The following MTUS2 variants were observed in gnomAD, a reference collection of about 807,000 sequenced individuals.
MTUS2 encodes microtubule-associated tumor suppressor candidate 2.
A neutral mutation model predicts 114.1 loss-of-function variants in MTUS2; 40 were observed. The ratio of observed to expected loss-of-function variants is 0.35; its 90% CI spans 0.27 to 0.46. MTUS2 has a LOEUF of 0.46. MTUS2 is among the 20% of genes least tolerant of loss of function. The probability of loss-of-function intolerance (pLI) is 1.00; values close to 1 mark genes in which losing one functional copy is unlikely to be tolerated. For synonymous variants in MTUS2, 688 were observed against 672.0 expected (o/e 1.02, Z -0.37); for missense variants, 1,679 against 1,705.4 (o/e 0.98, Z 0.27).
At chr13:29,124,618 G>T (rs987113141) in intron 5 of MTUS2, among the ~76,000 whole-genome samples, 3 of 152,278 alleles carry the variant, frequency 2.0e-5, no homozygotes, top group African/African-American at 7.2e-5. Context: ...CTTGTGAAGA[G>T]ATATTTATGT....
Position 29,097,159 on chromosome 13 carries a change from G to C in MTUS2, c.2447-3614G>C, listed in dbSNP as rs574212145. Among the ~76,000 whole-genome samples the C allele has an allele frequency of 3.2e-4, 49 of 152,118 alleles. No homozygotes were observed. In the East Asian group the frequency reaches 9.1e-3, roughly 28 times the overall value. On this transcript the variant is annotated intron_variant, in intron 4 of 15. Coordinates refer to ENST00000612955, the MANE Select transcript of MTUS2 (RefSeq NM_001033602.4). ...ATCCAGAGTAGAGCTTTCATATATTGTGATGATAGTAGGGGAGGAAGAGAG... is the reference window on the plus strand; with the variant it reads ...ATCCAGAGTAGAGCTTTCATATATTCTGATGATAGTAGGGGAGGAAGAGAG...
At chr13:29,488,054 G>C (rs764181355) in intron 11 of MTUS2, 49 bp downstream of exon 11, 1 of 1,423,252 alleles carries the variant, frequency 7.0e-7, no homozygotes, top group Non-Finnish European at 9.9e-7. Flanking sequence ...GGTGCAATCC[G>C]AGCCTTTCCT....
intron 5 of MTUS2, among the ~76,000 whole-genome samples, chr13:29,181,884 T>C (rs1013530333): frequency 8.6e-5 from 13 of 151,576 alleles, no homozygotes; most frequent in Non-Finnish European, 1.5e-4. Flanking sequence ...TAATAGAAAA[T>C]AACTAACAGA....
At chr13:29,477,580 T>G (rs1052022217) in intron 9 of MTUS2, among the ~76,000 whole-genome samples, 1 of 151,802 alleles carries the variant, frequency 6.6e-6, no homozygotes, top group South Asian at 2.1e-4. Flanking sequence ...GGGAGGACCC[T>G]GGGGGTCCCC....
At chr13:29,300,509 G>T (rs1463564519) in intron 6 of MTUS2, among the ~76,000 whole-genome samples, 1 of 152,110 alleles carries the variant, frequency 6.6e-6, no homozygotes, top group East Asian at 1.9e-4. Context: ...TACTATAAAT[G>T]CATTCTTATG....
intron 8 of MTUS2, among the ~76,000 whole-genome samples, chr13:29,365,678 T>TTA (rs1870650874): frequency 6.6e-6 from 1 of 152,078 alleles, no homozygotes; most frequent in South Asian, 2.1e-4. Context: ...GTGCGTGCCT[T>TTA]TAAGATATTC....
At position 29,025,520 on chromosome 13, in the gene MTUS2, A is replaced by G; in HGVS notation, c.822A>G (p.Thr274=). 3 of 1,613,728 alleles carry G rather than the reference A, an allele frequency of 1.9e-6. 1 individual carries two copies. Among genetic ancestry groups the G allele is most frequent in the Non-Finnish European group, 2.5e-6 (3 of 1,179,756 alleles). The change falls in exon 3 of 16, where the codon ACA becomes ACG. Residue 274 remains threonine, a synonymous_variant. Coordinates refer to ENST00000612955, the MANE Select transcript of MTUS2 (RefSeq NM_001033602.4). Reference sequence around the variant, plus strand: ...TACTGCAGGTGTGCAGTGAGCACACATCACATTCCGCCCATCCAGAGCCTG... The same window carrying G: ...TACTGCAGGTGTGCAGTGAGCACACGTCACATTCCGCCCATCCAGAGCCTG... ...AHVLQVCSEH[T]SHSAHPEPAL...
At chr13:29,322,390 C>A (rs970148517) in intron 6 of MTUS2, among the ~76,000 whole-genome samples, 1 of 152,116 alleles carries the variant, frequency 6.6e-6, no homozygotes, top group Non-Finnish European at 1.5e-5. Flanking sequence ...CAGCAGAGTG[C>A]AGTGGCTGGG....
intron 1 of MTUS2, among the ~76,000 whole-genome samples, chr13:28,835,901 ACT>A (rs1016249321): frequency 6.6e-6 from 1 of 151,982 alleles, no homozygotes; most frequent in Non-Finnish European, 1.5e-5. Flanking sequence ...GTAGGGACAA[ACT>A]CTGTGTGTTT....
intron 1 of MTUS2, among the ~76,000 whole-genome samples, chr13:28,828,149 CAG>C (rs1874402024): frequency 6.6e-6 from 1 of 152,220 alleles, no homozygotes; most frequent in African/African-American, 2.4e-5. Flanking sequence ...TTCTCTTTCT[CAG>C]GGGTGTTCCT....
intron 14 of MTUS2, among the ~76,000 whole-genome samples, chr13:29,498,910 G>A (rs550260430): frequency 6.6e-6 from 1 of 152,146 alleles, no homozygotes. Context: ...TAACTCCTAC[G>A]GCTGCCTGTG....
chr13:28,828,610 A>T (rs1261736180), intron 1 of MTUS2, among the ~76,000 whole-genome samples: 1 of 152,220 alleles, frequency 6.6e-6, no homozygotes, highest in East Asian at 1.9e-4. Context: ...CCATGGCTTC[A>T]GCCGGTCCCT....
At chr13:28,832,842 G>A (rs1411341621) in intron 1 of MTUS2, among the ~76,000 whole-genome samples, 1 of 151,482 alleles carries the variant, frequency 6.6e-6, no homozygotes, top group Non-Finnish European at 1.5e-5. Flanking sequence ...TTACCTAACT[G>A]ACTAATAGAA....
intron 2 of MTUS2, among the ~76,000 whole-genome samples, chr13:28,930,283 A>T (rs1303660739): frequency 1.3e-5 from 2 of 152,224 alleles, no homozygotes; most frequent in Admixed American, 6.5e-5. Context: ...ATAATTGGTC[A>T]TCGGCAGCCT....
chr13:28,826,448 T>C (rs1874276022), intron 1 of MTUS2, among the ~76,000 whole-genome samples: 1 of 152,208 alleles, frequency 6.6e-6, no homozygotes, highest in Admixed American at 6.5e-5. Context: ...GGCTATATGA[T>C]CTCTGAGGTC....
chr13:29,318,897 T>C (rs1900135100), intron 6 of MTUS2, among the ~76,000 whole-genome samples: 1 of 152,224 alleles, frequency 6.6e-6, no homozygotes, highest in African/African-American at 2.4e-5. Context: ...TTTGTAGTGA[T>C]TGGCATTGGG....
In MTUS2 at chr13:29,253,917, C is replaced by T. The variant is rs1217023139; in HGVS notation, c.2645-27787C>T. Reference sequence around the variant, plus strand: ...CATATTCACTATCACGAGAACAGCACGGGAAAGACTTGCCCCCATGATGTA... The same window carrying T: ...CATATTCACTATCACGAGAACAGCATGGGAAAGACTTGCCCCCATGATGTA... On this transcript the variant is annotated intron_variant, in intron 5 of 15. Transcript: ENST00000612955. Among the ~76,000 whole-genome samples the T allele has an allele frequency of 5.3e-5, 8 of 152,170 alleles. No homozygotes were observed. The South Asian group carries it at 6.2e-4, about 12-fold the overall frequency.
chr13:28,943,438 C>T (rs1363826880), intron 2 of MTUS2, among the ~76,000 whole-genome samples: 4 of 152,120 alleles, frequency 2.6e-5, no homozygotes, highest in Non-Finnish European at 5.9e-5. Flanking sequence ...TTAAACAGTT[C>T]AGTTTCTTAG....
intron 8 of MTUS2, among the ~76,000 whole-genome samples, chr13:29,399,624 C>A (rs1489131888): frequency 6.6e-6 from 1 of 151,566 alleles, no homozygotes; most frequent in East Asian, 1.9e-4. Context: ...AAAGTGTAAC[C>A]CAGAAAGACC....
Sources: allele counts gnomAD v4.1 joint callset (sites outside exome capture counted in the v4.1 genomes callset), GRCh38; gene constraint gnomAD v4.1.1; transcripts MANE v1.5; gene names NCBI Gene and HGNC (gene_info 2026-07-23, HGNC 2026-07-21).